The following NHSL1 variants were observed in gnomAD, a reference collection of about 807,000 sequenced individuals.
The protein encoded by NHSL1 is NHS like 1.
NHSL1 carries 48 observed loss-of-function variants against 95.0 expected under a neutral mutation model. The ratio of observed to expected loss-of-function variants is 0.51; its 90% CI spans 0.40 to 0.64. NHSL1 has a LOEUF of 0.64. Ranked by LOEUF, NHSL1 falls within the 30% of genes least tolerant of loss-of-function variation. NHSL1 has a pLI of 0.00. For missense variants in NHSL1, 1,971 were observed against 2,077.7 expected (o/e 0.95, Z 1.00); for synonymous variants, 783 against 833.9 (o/e 0.94, Z 1.05).
chr6:138,488,434 GT>G (rs1406539349), intron 2 of NHSL1, among the ~76,000 whole-genome samples: 2 of 152,116 alleles, frequency 1.3e-5, no homozygotes, highest in Non-Finnish European at 2.9e-5. Flanking sequence ...AATTTCAAAT[GT>G]TTATCTTTCC....
intron 1 of NHSL1, among the ~76,000 whole-genome samples, chr6:138,517,685 G>T (rs554977253): frequency 6.6e-6 from 1 of 152,320 alleles, no homozygotes; most frequent in Admixed American, 6.5e-5. Context: ...CTCCAGGAGG[G>T]CCAGAGGATA....
chr6:138,483,972 G>A (rs1437298469), intron 2 of NHSL1, among the ~76,000 whole-genome samples: 1 of 152,126 alleles, frequency 6.6e-6, no homozygotes, highest in African/African-American at 2.4e-5. Context: ...TTAACCCAAG[G>A]CATATGACCT....
Position 138,496,383 on chromosome 6 carries a change from AAGAT to A in NHSL1, c.59-16_59-13del. 6.5e-7 allele frequency: 1 copy of A among 1,549,788 alleles called. No individual in the cohort carries two copies. Among genetic ancestry groups the A allele is most frequent in the Non-Finnish European group, 8.7e-7 (1 of 1,146,778 alleles). Reference sequence around the variant, plus strand: ...TAGGTTGGAAACCGCTATAGAAAAAAAGATAGAATACATTCAGGTGTCAACTTCA... The same window carrying A: ...TAGGTTGGAAACCGCTATAGAAAAAAAGAATACATTCAGGTGTCAACTTCA... On this transcript the variant is annotated splice_polypyrimidine_tract_variant and intron_variant, in intron 1 of 7. Transcript: ENST00000343505.
At position 138,433,393 on chromosome 6, in the gene NHSL1, T is replaced by G. The variant is rs1337035899; in HGVS notation, c.952A>C (p.Ser318Arg). Residue 318 changes from serine to arginine, a missense_variant, in exon 6 of 8, where the codon AGT (serine) becomes CGT (arginine). By Grantham distance (110) the Ser-to-Arg change is moderately radical. Around this residue, in one of 3 missense-constraint regions of NHSL1, gnomAD observed 1,602 missense variants for 1,654.5 expected, o/e 0.97. Transcript: ENST00000343505. ...GGAAGACTATGGAAGCCAGCATCACTGTCAAGGCGGGAAGGGAATACGATC... is the reference window on the plus strand; with the variant it reads ...GGAAGACTATGGAAGCCAGCATCACGGTCAAGGCGGGAAGGGAATACGATC... ...AGIVFPSRLD[S>R]DAGFHSLPRS... 6.4e-7 allele frequency: 1 copy of G among 1,552,342 alleles called. No homozygotes were observed.
At position 138,430,516 on chromosome 6, in the gene NHSL1, C is replaced by T; in HGVS notation, c.3829G>A (p.Glu1277Lys). 1 of 1,551,450 alleles carries T rather than the reference C, an allele frequency of 6.4e-7. No individual in the cohort carries two copies. The highest frequency in any genetic ancestry group is 8.7e-7 in the Non-Finnish European group (1 of 1,146,890). Residue 1277 changes from glutamate to lysine, a missense_variant, in exon 6 of 8, where the codon GAA becomes AAA. Physicochemically the swap from Glu to Lys is moderately conservative, Grantham distance 56. Around this residue, in one of 3 missense-constraint regions of NHSL1, gnomAD observed 1,602 missense variants for 1,654.5 expected, o/e 0.97. Transcript: ENST00000343505. This position sits in a 1 kb window ranked among gnomAD's most constrained non-coding sequence, Gnocchi z 4.7. ...GGCTGAACCATGGGGACATTGGCTT[C>T]CACTCTGCTGGGAGACATGGATCCT... ...AAGSMSPSRV[E>K]ANVPMVQPDV... is the part of the protein sequence containing the mutation.
At chr6:138,437,317 T>TAC (rs1387750041) in intron 5 of NHSL1, among the ~76,000 whole-genome samples, 2 of 21,360 alleles carry the variant, frequency 9.4e-5, no homozygotes, top group African/African-American at 2.8e-4. Flanking sequence ...TATATATATA[T>TAC]ATACACACAC....
chr6:138,539,737 A>G (rs1782506476), intron 1 of NHSL1, among the ~76,000 whole-genome samples: 1 of 152,228 alleles, frequency 6.6e-6, no homozygotes, highest in African/African-American at 2.4e-5. Context: ...AAAATTACCC[A>G]GAGCATGAAT....
chr6:138,637,469 T>C (rs1293290831), intron 1 of NHSL1, among the ~76,000 whole-genome samples: 1 of 152,128 alleles, frequency 6.6e-6, no homozygotes, highest in Non-Finnish European at 1.5e-5. Flanking sequence ...ACCCACAGAA[T>C]GGGAGAAAAT....
At chr6:138,595,394 C>T (rs932401734) in intron 1 of NHSL1, among the ~76,000 whole-genome samples, 5 of 152,030 alleles carry the variant, frequency 3.3e-5, no homozygotes, top group African/African-American at 4.8e-5. Flanking sequence ...GGCAACATAA[C>T]GAGATCTTGT....
At chr6:138,517,932 G>A (rs773415893) in intron 1 of NHSL1, among the ~76,000 whole-genome samples, 1 of 152,178 alleles carries the variant, frequency 6.6e-6, no homozygotes, top group African/African-American at 2.4e-5. Context: ...GGGTGGCACA[G>A]CCTAGGTCAC....
At position 138,525,373 on chromosome 6, in the gene NHSL1, T is replaced by A. The variant is rs894194037; in HGVS notation, c.16+20250A>T. Among the ~76,000 whole-genome samples the A allele has an allele frequency of 6.0e-5, 9 of 150,852 alleles. 1 individual carries two copies. Among genetic ancestry groups the A allele is most frequent in the Non-Finnish European group, 8.9e-5 (6 of 67,682 alleles). ...ACTCTCTCTCTCTCTATAAAAAAAT[T>A]AAAAAGTAGCCAGGTGTGGTGGTGC... On this transcript the variant is annotated intron_variant, in intron 1 of 4. Transcript: ENST00000342260.
chr6:138,467,216 G>A (rs1038071891), intron 3 of NHSL1, among the ~76,000 whole-genome samples: 8 of 151,566 alleles, frequency 5.3e-5, no homozygotes, highest in Non-Finnish European at 7.4e-5. Context: ...GCAGTGGCGC[G>A]ATCTCGGCTC....
chr6:138,470,718 A>C (rs1479484602), intron 3 of NHSL1: 1 of 152,220 alleles, frequency 6.6e-6, no homozygotes, highest in Non-Finnish European at 1.5e-5. Context: ...CAGACACTGT[A>C]ACTTGGAGAG....
chr6:138,460,884 A>G (rs7762841), intron 3 of NHSL1, among the ~76,000 whole-genome samples: 40,036 of 150,992 alleles, frequency 0.27, 6,210 homozygotes, highest in African/African-American at 0.4. Flanking sequence ...CCATAGCACG[A>G]CCCATCCAAC....
chr6:138,559,040 C>T (rs1243554858), intron 1 of NHSL1, among the ~76,000 whole-genome samples: 3 of 151,046 alleles, frequency 2.0e-5, no homozygotes, highest in Non-Finnish European at 4.4e-5. Flanking sequence ...CAGAGGGAGA[C>T]TCTATCTCTT....
intron 2 of NHSL1, among the ~76,000 whole-genome samples, chr6:138,486,585 C>T (rs892065981): frequency 4.6e-5 from 7 of 152,100 alleles, no homozygotes; most frequent in East Asian, 1.9e-4. Flanking sequence ...AAGCCTCAAC[C>T]GCCCCCCTCC....
At chr6:138,675,018 T>C (rs1785430551) in intron 1 of NHSL1, among the ~76,000 whole-genome samples, 1 of 149,502 alleles carries the variant, frequency 6.7e-6, no homozygotes, top group Non-Finnish European at 1.5e-5. Flanking sequence ...ATCCTGTCAT[T>C]GTCCTCCAAC....
chr6:138,593,654 C>T (rs191305306), intron 1 of NHSL1, among the ~76,000 whole-genome samples: 12 of 152,316 alleles, frequency 7.9e-5, no homozygotes, highest in Non-Finnish European at 1.2e-4. Context: ...TTCCAGTAGA[C>T]GGTCTCCCCA....
chr6:138,452,622 C>T (rs1183698920), intron 3 of NHSL1, among the ~76,000 whole-genome samples: 6 of 152,142 alleles, frequency 3.9e-5, no homozygotes. Flanking sequence ...ACATACATTC[C>T]AGTCCTTTTT....
Sources: allele counts gnomAD v4.1 joint callset (sites outside exome capture counted in the v4.1 genomes callset), GRCh38; gene constraint gnomAD v4.1.1; regional missense constraint gnomAD v4.1.1; non-coding constraint Gnocchi (gnomAD v3.1); transcripts MANE v1.5; gene names NCBI Gene and HGNC (gene_info 2026-07-23, HGNC 2026-07-21).